Variants in CRHBP observed in about 807,000 individuals in gnomAD.
CRHBP encodes the protein corticotropin-releasing hormone-binding protein.
A neutral mutation model predicts 34.9 loss-of-function variants in CRHBP; 19 were observed. The observed-to-expected ratio is 0.55, with a 90% CI of 0.38 to 0.80. CRHBP has a LOEUF of 0.80. Ranked by LOEUF, CRHBP falls within the 30% of genes least tolerant of loss-of-function variation. The probability of loss-of-function intolerance (pLI) is 0.00; values close to 1 mark genes in which losing one functional copy is unlikely to be tolerated. For synonymous variants in CRHBP, 154 were observed against 153.4 expected (o/e 1.00, Z -0.03); for missense variants, 328 against 409.2 (o/e 0.80, Z 1.71).
chr5:76,961,660 C>T (rs1245726184), intron 5 of CRHBP, among the ~76,000 whole-genome samples: 1 of 152,168 alleles, frequency 6.6e-6, no homozygotes, highest in East Asian at 1.9e-4. Context: ...TGCCCCTGCT[C>T]ATTAGTGAAG....
chr5:76,955,585 T>C, intron 3 of CRHBP, 68 bp from the exon 4 acceptor site: 1 of 1,453,134 alleles, frequency 6.9e-7, no homozygotes, highest in Non-Finnish European at 9.4e-7. Context: ...TTCCCCCCCT[T>C]TTCAACTCAT....
At chr5:76,977,266 A>G (rs1746046807) in intron 3 of CRHBP, among the ~76,000 whole-genome samples, 1 of 152,244 alleles carries the variant, frequency 6.6e-6, no homozygotes, top group Admixed American at 6.5e-5. Flanking sequence ...ATATTTATTG[A>G]ATACGAAGTA....
chr5:76,966,983 C>T (rs1463610158), intron 6 of CRHBP, among the ~76,000 whole-genome samples: 1 of 152,148 alleles, frequency 6.6e-6, no homozygotes, highest in Non-Finnish European at 1.5e-5. Flanking sequence ...TGGTTCATGC[C>T]TGTAATCCCA....
At chr5:76,975,825 A>AAAAAAAAAAAATAT in intron 2 of CRHBP, among the ~76,000 whole-genome samples, 4 of 61,860 alleles carry the variant, frequency 6.5e-5, no homozygotes, top group African/African-American at 2.7e-4. Context: ...AAAAAAAAAA[A>AAAAAAAAAAAATAT]ATATATATAT....
At chr5:76,971,275 T>C (rs1471677565), downstream of CRHBP, among the ~76,000 whole-genome samples, 1 of 152,206 alleles carries the variant, frequency 6.6e-6, no homozygotes, top group African/African-American at 2.4e-5. Flanking sequence ...AAAATTTGGG[T>C]AATTTACAGT....
At chr5:76,971,207 T>C (rs1368151094), downstream of CRHBP, among the ~76,000 whole-genome samples, 1 of 152,208 alleles carries the variant, frequency 6.6e-6, no homozygotes, top group African/African-American at 2.4e-5. Flanking sequence ...GAATCCCAGC[T>C]CTACCACTGA....
intron 3 of CRHBP, among the ~76,000 whole-genome samples, chr5:76,980,681 C>G (rs1746105685): frequency 6.6e-6 from 1 of 152,170 alleles, no homozygotes; most frequent in African/African-American, 2.4e-5. Flanking sequence ...TTGAGTAAAG[C>G]AAATTACTTC....
At chr5:76,970,094 C>T (rs890870600), downstream of CRHBP, among the ~76,000 whole-genome samples, 4 of 151,590 alleles carry the variant, frequency 2.6e-5, no homozygotes, top group Non-Finnish European at 4.4e-5. Flanking sequence ...GTTACATGTG[C>T]GCCACCATGC....
chr5:76,980,047 C>G (rs956984815), intron 3 of CRHBP, among the ~76,000 whole-genome samples: 1 of 150,366 alleles, frequency 6.7e-6, no homozygotes, highest in South Asian at 2.1e-4. Context: ...GTCAGGAGAT[C>G]GAGACCATCC....
chr5:76,975,821 AAAAAAT>A (rs1746016647), intron 2 of CRHBP, among the ~76,000 whole-genome samples: 1 of 81,756 alleles, frequency 1.2e-5, no homozygotes, highest in African/African-American at 8.1e-5. Flanking sequence ...AAAAAAAAAA[AAAAAAT>A]ATATATATAT....
In CRHBP at chr5:76,963,396, A is replaced by T; in HGVS notation, c.747A>T (p.Gly249=). ...GAGACTTTGTGGAGCTGCTGGGAGG[A>T]ACTGGATTGGACCCTTCCAAGATGA... The part of the protein sequence containing the change: ...GIGDFVELLG[G]TGLDPSKMTP... Residue 249 remains glycine, a synonymous_variant, in exon 6 of 7, where the codon GGA becomes GGT. Coordinates refer to ENST00000274368, the MANE Select transcript of CRHBP (RefSeq NM_001882.4). 1 of 1,614,120 alleles carries T rather than the reference A, an allele frequency of 6.2e-7. No homozygotes were observed. The highest frequency in any genetic ancestry group is 2.2e-5 in the East Asian group (1 of 44,882).
rs1745903699 is a variant in CRHBP, at chr5:76,968,940, T to G, written c.*55T>G. 7 of 1,582,096 alleles carry G rather than the reference T, an allele frequency of 4.4e-6. No individual in the cohort carries two copies. Among genetic ancestry groups the G allele is most frequent in the Non-Finnish European group, 6.0e-6 (7 of 1,160,556 alleles). ...AGCTAAGTGAGTTTTTAATGGCCAT[T>G]GTGTATGATTTTGATGCACAACTAG... On this transcript the variant is annotated 3_prime_UTR_variant, in exon 7 of 7. Transcript: ENST00000274368.
chr5:76,956,008 T>C, intron 4 of CRHBP, 145 bp downstream of exon 4: 1 of 661,034 alleles, frequency 1.5e-6, no homozygotes, highest in Admixed American at 3.0e-5. Context: ...TAAAGGATAG[T>C]TTCTATTCTT....
In CRHBP at chr5:76,953,458, T is replaced by TC. The variant is rs951261064; in HGVS notation, c.82-140dup. 26 of 987,820 alleles carry TC rather than the reference T, an allele frequency of 2.6e-5. No individual in the cohort carries two copies. In the African/African-American group the frequency reaches 2.9e-4, roughly 11 times the overall value. The allele number at this position is 987,820 out of a possible 1,614,324, so 61.2% of individuals were successfully genotyped here. On this transcript the variant is annotated intron_variant, in intron 1 of 6. Transcript: ENST00000274368. ...GCCTGATGGAGAGGGTCTAAGACCT[T>TC]CCCGTCTTCTCCGGACACGGGAAAA... is the stretch of plus-strand genomic sequence containing the variant.
intron 6 of CRHBP, among the ~76,000 whole-genome samples, chr5:76,966,063 G>T (rs1745855136): frequency 6.6e-6 from 1 of 152,152 alleles, no homozygotes; most frequent in Non-Finnish European, 1.5e-5. Context: ...TTGTTGCCCA[G>T]GCTGGAGTGC....
In CRHBP at chr5:76,965,045, A is replaced by T. The variant is rs547578867; in HGVS notation, c.811+1585A>T. On this transcript the variant is annotated intron_variant, in intron 6 of 6. Coordinates refer to ENST00000274368, the MANE Select transcript of CRHBP (RefSeq NM_001882.4). ...AAAAACACACAAAAAAATACAGTAT[A>T]ACAACTATTTACATAGCTTTTACAT... Among the ~76,000 whole-genome samples the T allele has an allele frequency of 3.3e-4, 50 of 152,230 alleles. 1 individual carries two copies. The South Asian group carries it at 9.9e-3, about 30-fold the overall frequency.
At chr5:76,964,714 G>C (rs1745834576) in intron 6 of CRHBP, among the ~76,000 whole-genome samples, 1 of 152,080 alleles carries the variant, frequency 6.6e-6, no homozygotes, top group South Asian at 2.1e-4. Context: ...AAATTAGCCA[G>C]GCATCGTGGT....
chr5:76,972,741 A>G (rs145882441), downstream of CRHBP, among the ~76,000 whole-genome samples: 4 of 152,334 alleles, frequency 2.6e-5, no homozygotes, highest in African/African-American at 9.6e-5. Context: ...TTCTCCTAGT[A>G]TATAAAGCAG....
intron 5 of CRHBP, among the ~76,000 whole-genome samples, chr5:76,962,739 T>A (rs1310319366): frequency 6.6e-6 from 1 of 152,132 alleles, no homozygotes; most frequent in African/African-American, 2.4e-5. Flanking sequence ...AGGAGAAAGA[T>A]CATGGTAACT....
Sources: allele counts gnomAD v4.1 joint callset (sites outside exome capture counted in the v4.1 genomes callset), GRCh38; gene constraint gnomAD v4.1.1; transcripts MANE v1.5; gene names NCBI Gene and HGNC (gene_info 2026-07-23, HGNC 2026-07-21).